CDH13: variants seen among roughly 807,000 people sequenced by gnomAD.
The protein encoded by CDH13 is cadherin-13.
In CDH13, 24 loss-of-function variants were observed where a neutral mutation model predicts 63.8. The observed-to-expected ratio is 0.38, with a 90% CI of 0.27 to 0.53. CDH13 has a LOEUF of 0.53. Ranked by LOEUF, CDH13 falls within the 20% of genes least tolerant of loss-of-function variation. The pLI is 0.85. For synonymous variants in CDH13, 503 were observed against 355.3 expected, an observed-to-expected ratio of 1.42 and a Z score of -4.67; for missense variants, 1,049 against 903.1, an observed-to-expected ratio of 1.16 and a Z score of -2.07.
intron 5 of CDH13, among the ~76,000 whole-genome samples, chr16:83,223,900 T>A (rs2039772426): frequency 6.6e-6 from 1 of 152,088 alleles, no homozygotes; most frequent in African/African-American, 2.4e-5. Context: ...GTAAGTTCTT[T>A]AGTGGTGGTT....
At chr16:82,793,097 G>A (rs1373669326) in intron 1 of CDH13, among the ~76,000 whole-genome samples, 3 of 152,212 alleles carry the variant, frequency 2.0e-5, no homozygotes, top group South Asian at 4.1e-4. Flanking sequence ...ATAGCACTAA[G>A]GCATTTCAGG....
At chr16:83,080,871 G>GTTTTTTTTTTTGTTTT (rs2033185148) in intron 3 of CDH13, among the ~76,000 whole-genome samples, 24 of 46,952 alleles carry the variant, frequency 5.1e-4, no homozygotes, top group Non-Finnish European at 7.8e-4. Context: ...TTGTTTTTGT[G>GTTTTTTTTTTTGTTTT]TTTTTTTTTT....
chr16:82,720,140 C>G (rs909677618), intron 1 of CDH13, among the ~76,000 whole-genome samples: 1 of 152,020 alleles, frequency 6.6e-6, no homozygotes, highest in Non-Finnish European at 1.5e-5. Flanking sequence ...TAATCGTTTG[C>G]TCAATTTTTG....
rs9926310 is a variant in CDH13, at chr16:83,069,085, C to T, written c.366+36867C>T. On this transcript the variant is annotated intron_variant, in intron 3 of 13. Coordinates refer to ENST00000567109, the MANE Select transcript of CDH13 (RefSeq NM_001257.5). ...GATTCTCAAAATCCCAAAGGCATGT[C>T]TTTCACTTATCCCATAAAACATCTA... 1.9e-4 allele frequency among the ~76,000 whole-genome samples: 29 copies of T among 152,192 alleles called. No individual in the cohort carries two copies. The East Asian group carries it at 4.4e-3, about 23-fold the overall frequency.
At chr16:83,156,765 C>A (rs2037223778) in intron 4 of CDH13, among the ~76,000 whole-genome samples, 1 of 152,156 alleles carries the variant, frequency 6.6e-6, no homozygotes, top group African/African-American at 2.4e-5. Context: ...AAATCCTATG[C>A]TCCTTTATTC....
intron 3 of CDH13, among the ~76,000 whole-genome samples, chr16:83,095,055 C>G (rs1430244384): frequency 6.6e-6 from 1 of 152,188 alleles, no homozygotes; most frequent in Non-Finnish European, 1.5e-5. Context: ...AAAAATCCCA[C>G]TCTTCCTCCC....
rs115927289 is a variant in CDH13 at position 82,776,984 on chromosome 16, A to G, written c.46-81378A>G. On this transcript the variant is annotated intron_variant, in intron 1 of 13. Transcript: ENST00000567109. ...TCTCATTTACATTTCCCAGAACATC[A>G]GGTTGGAGTGCAGTGACGTGATGCA... is the stretch of plus-strand genomic sequence containing the variant. Among the ~76,000 whole-genome samples the G allele has an allele frequency of 5.2e-3, 792 of 152,290 alleles. 4 individuals carry two copies. The highest frequency in any genetic ancestry group is 0.019 in the African/African-American group (769 of 41,548).
At chr16:83,132,052 A>T (rs1294474216) in intron 4 of CDH13, among the ~76,000 whole-genome samples, 5 of 152,120 alleles carry the variant, frequency 3.3e-5, no homozygotes, top group African/African-American at 1.2e-4. Context: ...TCTGTACCTG[A>T]GATTTATGCC....
intron 1 of CDH13, among the ~76,000 whole-genome samples, chr16:82,850,518 A>T (rs1304641550): frequency 6.6e-6 from 1 of 152,226 alleles, no homozygotes; most frequent in East Asian, 1.9e-4. Context: ...TGTTGAAAAG[A>T]CAATAAAGGA....
chr16:82,847,603 A>G (rs1017369545), intron 1 of CDH13, among the ~76,000 whole-genome samples: 1 of 152,194 alleles, frequency 6.6e-6, no homozygotes, highest in Non-Finnish European at 1.5e-5. Context: ...TGCTGTTTTA[A>G]TGTTAGCTGA....
At chr16:83,253,155 C>A (rs1905788807) in intron 5 of CDH13, among the ~76,000 whole-genome samples, 1 of 152,148 alleles carries the variant, frequency 6.6e-6, no homozygotes, top group Non-Finnish European at 1.5e-5. Flanking sequence ...TCAAATCAAG[C>A]TGCATTTGAA....
chr16:83,064,324 G>T (rs142552986), intron 3 of CDH13, among the ~76,000 whole-genome samples: 1 of 151,566 alleles, frequency 6.6e-6, no homozygotes. Flanking sequence ...AGCTGAGATG[G>T]TGCCATTGCA....
intron 1 of CDH13, among the ~76,000 whole-genome samples, chr16:82,840,929 G>A (rs1051443520): frequency 1.3e-5 from 2 of 152,174 alleles, no homozygotes; most frequent in African/African-American, 2.4e-5. Flanking sequence ...GAAAGTTAGT[G>A]TCAATGAGTG....
In CDH13 at chr16:82,810,958, G is replaced by C. The variant is rs540432809; in HGVS notation, c.46-47404G>C. Among the ~76,000 whole-genome samples the C allele has an allele frequency of 9.9e-5, 15 of 152,232 alleles. No individual in the cohort carries two copies. The South Asian group carries it at 2.5e-3, about 25-fold the overall frequency. ...AACAGCAATGGTTCTTAGCTGCTTC[G>C]TGTGCCCTGGACCCTTCTCTCAGTC... On this transcript the variant is annotated intron_variant, in intron 1 of 13. Coordinates refer to ENST00000567109, the MANE Select transcript of CDH13 (RefSeq NM_001257.5).
chr16:82,808,823 C>G (rs1197257783), intron 1 of CDH13, among the ~76,000 whole-genome samples: 3 of 152,102 alleles, frequency 2.0e-5, no homozygotes, highest in African/African-American at 7.2e-5. Context: ...TGTCATGTTC[C>G]TGGTGTGAGT....
chr16:83,679,266 A>G (rs1347248245), intron 10 of CDH13, among the ~76,000 whole-genome samples: 1 of 152,222 alleles, frequency 6.6e-6, no homozygotes, highest in Non-Finnish European at 1.5e-5. Context: ...TGGTTTCACA[A>G]TAAACTTAAA....
chr16:83,775,209 T>G (rs1915024576), intron 11 of CDH13, among the ~76,000 whole-genome samples: 1 of 151,776 alleles, frequency 6.6e-6, no homozygotes, highest in Non-Finnish European at 1.5e-5. Flanking sequence ...ATACCTACAA[T>G]GAATTGGCCT....
chr16:83,776,135 G>A (rs1238174737), intron 11 of CDH13, among the ~76,000 whole-genome samples: 2 of 152,100 alleles, frequency 1.3e-5, no homozygotes. Flanking sequence ...TCACCAGCCT[G>A]GCCTGGGAAT....
chr16:83,510,483 CAA>C (rs2074531601), intron 7 of CDH13, among the ~76,000 whole-genome samples: 1 of 152,120 alleles, frequency 6.6e-6, no homozygotes, highest in Non-Finnish European at 1.5e-5. Flanking sequence ...TTTTCTTTTG[CAA>C]AGTTTTCATT....
Sources: allele counts gnomAD v4.1 joint callset (sites outside exome capture counted in the v4.1 genomes callset), GRCh38; gene constraint gnomAD v4.1.1; transcripts MANE v1.5; gene names NCBI Gene and HGNC (gene_info 2026-07-23, HGNC 2026-07-21).